PDE1A: variants seen among roughly 807,000 people sequenced by gnomAD.
The protein encoded by PDE1A is dual specificity calcium/calmodulin-dependent 3',5'-cyclic nucleotide phosphodiesterase 1A.
PDE1A carries 35 observed loss-of-function variants against 61.7 expected under a neutral mutation model. That is an observed-to-expected ratio of 0.57 (90% confidence interval 0.43 to 0.75). The LOEUF (loss-of-function observed/expected upper bound fraction) is 0.75, where lower values mean the gene tolerates loss of function less well. PDE1A is among the 30% of genes least tolerant of loss of function. The pLI, the probability that PDE1A is intolerant of heterozygous loss-of-function variation, is 0.00. For missense variants in PDE1A, 597 were observed against 630.6 expected (o/e 0.95, Z 0.57); for synonymous variants, 232 against 213.2 (o/e 1.09, Z -0.77).
intron 13 of PDE1A, among the ~76,000 whole-genome samples, chr2:182,160,275 A>G (rs1473557252): frequency 6.6e-6 from 1 of 152,110 alleles, no homozygotes; most frequent in African/African-American, 2.4e-5. Flanking sequence ...TTAGGTGTCA[A>G]TTTGACTGGA....
intron 2 of PDE1A, among the ~76,000 whole-genome samples, chr2:182,505,494 G>A (rs1689348972): frequency 6.6e-6 from 1 of 152,128 alleles, no homozygotes; most frequent in Admixed American, 6.5e-5. Flanking sequence ...CAGACACAGG[G>A]CCTGGGCACT....
At chr2:182,178,162 C>T (rs1054532434) in intron 13 of PDE1A, among the ~76,000 whole-genome samples, 4 of 152,028 alleles carry the variant, frequency 2.6e-5, no homozygotes, top group Admixed American at 1.3e-4. Flanking sequence ...TAAGCTACCC[C>T]AAAAACAAAG....
chr2:182,561,718 C>T, the PDE1A span, among the ~76,000 whole-genome samples: 1 of 151,908 alleles, frequency 6.6e-6, no homozygotes, highest in African/African-American at 2.4e-5. Flanking sequence ...TGTTTGTATC[C>T]TCTTTTATTT....
chr2:182,404,571 G>C (rs1051797632), intron 1 of PDE1A, among the ~76,000 whole-genome samples: 4 of 151,360 alleles, frequency 2.6e-5, no homozygotes, highest in South Asian at 2.1e-4. Flanking sequence ...ACATTGTACT[G>C]TTGTACAAAA....
chr2:182,513,038 C>T (rs1255928526), intron 2 of PDE1A, among the ~76,000 whole-genome samples: 2 of 152,090 alleles, frequency 1.3e-5, no homozygotes, highest in African/African-American at 4.8e-5. Context: ...GAGAATATTG[C>T]TCACAAAATT....
At chr2:182,542,659 T>C in the PDE1A span, among the ~76,000 whole-genome samples, 160 of 152,292 alleles carry the variant, frequency 1.1e-3, no homozygotes, top group African/African-American at 3.6e-3. Flanking sequence ...ATTTAGGGAA[T>C]AGAAATCTCT....
intron 2 of PDE1A, among the ~76,000 whole-genome samples, chr2:182,480,612 T>C (rs895870580): frequency 2.0e-5 from 3 of 152,080 alleles, no homozygotes; most frequent in Admixed American, 1.3e-4. Flanking sequence ...TGTGTAGGCA[T>C]TGTATTGGAT....
the PDE1A span, among the ~76,000 whole-genome samples, chr2:182,659,430 G>T: frequency 6.6e-6 from 1 of 152,118 alleles, no homozygotes; most frequent in Non-Finnish European, 1.5e-5. Flanking sequence ...GGGCATAATA[G>T]AAATAAAACC....
chr2:182,229,066 G>A (rs1402986995), intron 6 of PDE1A, among the ~76,000 whole-genome samples: 3 of 151,936 alleles, frequency 2.0e-5, no homozygotes, highest in African/African-American at 7.3e-5. Context: ...ACCACATTGT[G>A]GATTTGATTT....
chr2:182,251,859 G>A (rs1691426393), intron 2 of PDE1A, among the ~76,000 whole-genome samples: 1 of 152,152 alleles, frequency 6.6e-6, no homozygotes, highest in South Asian at 2.1e-4. Flanking sequence ...GGAATTATCT[G>A]TATGTTACTT....
chr2:182,424,753 C>T (rs1366235602), intron 1 of PDE1A, among the ~76,000 whole-genome samples: 1 of 152,140 alleles, frequency 6.6e-6, no homozygotes, highest in African/African-American at 2.4e-5. Flanking sequence ...TCCCTTTTCC[C>T]TAATCACAAT....
chr2:182,651,333 G>C, the PDE1A span, among the ~76,000 whole-genome samples: 17 of 152,226 alleles, frequency 1.1e-4, no homozygotes, highest in African/African-American at 3.4e-4. Context: ...AAATTAGGGG[G>C]GTAGATAATT....
At chr2:182,365,874 A>G (rs1699809969) in intron 1 of PDE1A, among the ~76,000 whole-genome samples, 1 of 152,074 alleles carries the variant, frequency 6.6e-6, no homozygotes, top group South Asian at 2.1e-4. Flanking sequence ...AACTTATTAA[A>G]GGGCTTTGTA....
the PDE1A span, among the ~76,000 whole-genome samples, chr2:182,646,343 T>C: frequency 7.0e-6 from 1 of 142,796 alleles, no homozygotes; most frequent in Non-Finnish European, 1.5e-5. Context: ...TCCCAGCTAC[T>C]CGGGAGGCTG....
At chr2:182,398,417 T>A (rs957876457) in intron 1 of PDE1A, among the ~76,000 whole-genome samples, 1 of 152,084 alleles carries the variant, frequency 6.6e-6, no homozygotes, top group Non-Finnish European at 1.5e-5. Context: ...TTTAAATTCA[T>A]TATACTTTTT....
At chr2:182,517,229 C>T in intron 2 of PDE1A, among the ~76,000 whole-genome samples, 1 of 152,176 alleles carries the variant, frequency 6.6e-6, no homozygotes, top group East Asian at 1.9e-4. Flanking sequence ...ACTTAAGAGA[C>T]TTATGTTTTT....
At chr2:182,293,156 T>A (rs531719589) in intron 1 of PDE1A, among the ~76,000 whole-genome samples, 55 of 152,198 alleles carry the variant, frequency 3.6e-4, no homozygotes, top group African/African-American at 1.3e-3. Context: ...AGTCATCAGT[T>A]ACCCTCTGTA....
upstream of PDE1A, among the ~76,000 whole-genome samples, chr2:182,429,006 C>G (rs1185480924): frequency 6.6e-6 from 1 of 151,994 alleles, no homozygotes; most frequent in Non-Finnish European, 1.5e-5. Context: ...GCTGAAGAAT[C>G]TGAAAGTTGT....
chr2:182,446,347 A>T (rs1346099241), intron 2 of PDE1A, among the ~76,000 whole-genome samples: 3 of 152,062 alleles, frequency 2.0e-5, no homozygotes, highest in Non-Finnish European at 4.4e-5. Context: ...GACAAAGATA[A>T]ACTTATCTTA....
Sources: gnomAD v4.1 joint callset for allele counts (sites outside exome capture counted in the v4.1 genomes callset) on GRCh38, gnomAD v4.1.1 for gene constraint, MANE v1.5 for transcripts, NCBI Gene and HGNC (gene_info 2026-07-23, HGNC 2026-07-21) for gene names.